Variants in DNM3 observed in about 807,000 individuals in gnomAD.
DNM3 encodes the protein dynamin 3, also known as dynamin-3.
Under a neutral mutation model 101.6 loss-of-function variants are expected in DNM3, and 47 were observed. The observed-to-expected ratio is 0.46, with a 90% CI of 0.37 to 0.59. The LOEUF (loss-of-function observed/expected upper bound fraction) is 0.59. Among genes scored for constraint, DNM3 ranks in the 20% least tolerant of loss-of-function variants. DNM3 has a pLI of 0.00. For missense variants in DNM3, 849 were observed against 1,085.7 expected, an observed-to-expected ratio of 0.78 and a Z score of 3.06; for synonymous variants, 385 against 387.9, an observed-to-expected ratio of 0.99 and a Z score of 0.09.
intron 15 of DNM3, among the ~76,000 whole-genome samples, chr1:172,285,700 G>A (rs2063671313): frequency 6.6e-6 from 1 of 152,126 alleles, no homozygotes; most frequent in South Asian, 2.1e-4. Context: ...ATAATACCAA[G>A]AGGTAATAAT....
intron 14 of DNM3, among the ~76,000 whole-genome samples, chr1:172,175,102 T>A (rs1326056221): frequency 6.6e-6 from 1 of 151,710 alleles, no homozygotes; most frequent in Non-Finnish European, 1.5e-5. Flanking sequence ...AATGGCCATA[T>A]ACCCTCTCCT....
intron 4 of DNM3, among the ~76,000 whole-genome samples, chr1:172,013,067 C>T (rs2047227260): frequency 6.6e-6 from 1 of 152,012 alleles, no homozygotes; most frequent in African/African-American, 2.4e-5. Flanking sequence ...CATCTAATTT[C>T]CTAAGTCTGT....
At chr1:172,352,522 A>G (rs2067245069) in intron 17 of DNM3, among the ~76,000 whole-genome samples, 1 of 152,214 alleles carries the variant, frequency 6.6e-6, no homozygotes. Flanking sequence ...TCAAAAATGT[A>G]TAAACAAACT....
chr1:171,975,328 A>T (rs1476727111), intron 2 of DNM3, among the ~76,000 whole-genome samples: 2 of 152,216 alleles, frequency 1.3e-5, no homozygotes, highest in Non-Finnish European at 2.9e-5. Context: ...CATGATATTT[A>T]CAAGACAAAA....
chr1:172,065,387 C>T (rs561391817), intron 10 of DNM3, among the ~76,000 whole-genome samples: 5 of 152,134 alleles, frequency 3.3e-5, no homozygotes, highest in Admixed American at 6.5e-5. Flanking sequence ...TGAGTGCAGG[C>T]GGAATTGATT....
At chr1:172,387,089 C>T in intron 18 of DNM3, 44 bp from the exon 19 acceptor site, 10 of 1,510,188 alleles carry the variant, frequency 6.6e-6, no homozygotes, top group Non-Finnish European at 8.3e-6. Flanking sequence ...TCCACTCAGT[C>T]ACTCATTTAT....
intron 4 of DNM3, among the ~76,000 whole-genome samples, chr1:172,002,657 A>T (rs2046424145): frequency 6.6e-6 from 1 of 152,108 alleles, no homozygotes; most frequent in Admixed American, 6.6e-5. Flanking sequence ...TTATAGGCTT[A>T]AAAAAGCTTT....
At position 172,412,053 on chromosome 1, in the gene DNM3, G is replaced by A. The variant is rs572605359; in HGVS notation, c.*4212G>A. On this transcript the variant is annotated 3_prime_UTR_variant, in exon 21 of 21. Transcript: ENST00000627582. Reference sequence around the variant, plus strand: ...TATGCACTGCTATTTGTGTGTGTGTGTGTGTCTTTGTATATATGTAAGAAT... The same window carrying A: ...TATGCACTGCTATTTGTGTGTGTGTATGTGTCTTTGTATATATGTAAGAAT... The A allele has an allele frequency of 1.0e-6, 1 of 985,628 alleles. No homozygotes were observed. The highest frequency in any genetic ancestry group is 1.1e-4 in the East Asian group (1 of 8,810). 61.1% of individuals were successfully genotyped at this position (985,628 alleles called of 1,614,324 possible).
downstream of DNM3, among the ~76,000 whole-genome samples, chr1:172,417,132 A>T (rs543583938): frequency 1.3e-5 from 2 of 152,226 alleles, no homozygotes; most frequent in African/African-American, 4.8e-5. Flanking sequence ...CAAGAATAAG[A>T]TGTGTAACAA....
chr1:172,229,759 C>T (rs1305546264), intron 14 of DNM3, among the ~76,000 whole-genome samples: 1 of 152,034 alleles, frequency 6.6e-6, no homozygotes, highest in Non-Finnish European at 1.5e-5. Context: ...GCCACACACA[C>T]ACACACATAC....
chr1:172,122,448 A>T (rs747935884), intron 13 of DNM3, among the ~76,000 whole-genome samples: 1 of 152,138 alleles, frequency 6.6e-6, no homozygotes, highest in African/African-American at 2.4e-5. Context: ...AACTGACCCA[A>T]TGTCACCCAG....
intron 18 of DNM3, 43 bp downstream of exon 18, chr1:172,379,225 C>T (rs761847615): frequency 1.0e-5 from 15 of 1,481,684 alleles, no homozygotes; most frequent in South Asian, 2.6e-5. Context: ...CTAACCCATC[C>T]GAGTGTGGAA....
At chr1:172,413,189 A>AGAC (rs2071304868), downstream of DNM3, among the ~76,000 whole-genome samples, 1 of 152,212 alleles carries the variant, frequency 6.6e-6, no homozygotes, top group South Asian at 2.1e-4. Flanking sequence ...CACTGGGCAT[A>AGAC]GACAGGACAA....
intron 1 of DNM3, among the ~76,000 whole-genome samples, chr1:171,882,366 T>C (rs2125130751): frequency 7.1e-6 from 1 of 140,020 alleles, no homozygotes; most frequent in East Asian, 2.1e-4. Context: ...AAAGCCCTTT[T>C]GCATAACAAC....
chr1:171,974,441 G>A (rs1346820849), intron 2 of DNM3, among the ~76,000 whole-genome samples: 4 of 152,048 alleles, frequency 2.6e-5, no homozygotes, highest in African/African-American at 4.8e-5. Flanking sequence ...CCCTTTTGAG[G>A]GGCTCTCTCT....
intron 15 of DNM3, among the ~76,000 whole-genome samples, chr1:172,305,056 G>A (rs1199960075): frequency 6.6e-6 from 1 of 152,140 alleles, no homozygotes; most frequent in East Asian, 1.9e-4. Context: ...AGGCGATAGA[G>A]ACACAAATAC....
chr1:172,227,848 A>T (rs1015105434), intron 14 of DNM3, among the ~76,000 whole-genome samples: 3 of 152,152 alleles, frequency 2.0e-5, no homozygotes, highest in Non-Finnish European at 4.4e-5. Context: ...ATTTCCTCAC[A>T]TCTGGTCATA....
At chr1:172,154,866 G>C (rs766698866) in intron 14 of DNM3, among the ~76,000 whole-genome samples, 5 of 151,994 alleles carry the variant, frequency 3.3e-5, no homozygotes, top group Admixed American at 6.6e-5. Context: ...AATGAGAAGA[G>C]GGAAGGAAGC....
chr1:171,976,700 C>T (rs142156133), intron 2 of DNM3, among the ~76,000 whole-genome samples: 101 of 152,186 alleles, frequency 6.6e-4, no homozygotes, highest in African/African-American at 2.3e-3. Flanking sequence ...ATAATGTTGG[C>T]GGCAACTTGT....
Sources: gnomAD v4.1 joint callset for allele counts (sites outside exome capture counted in the v4.1 genomes callset) on GRCh38, gnomAD v4.1.1 for gene constraint, MANE v1.5 for transcripts, NCBI Gene and HGNC (gene_info 2026-07-23, HGNC 2026-07-21) for gene names.